ADAMTS13: variants seen among roughly 807,000 people sequenced by gnomAD.
ADAMTS13 encodes ADAM metallopeptidase with thrombospondin type 1 motif 13, also known as A disintegrin and metalloproteinase with thrombospondin motifs 13.
A neutral mutation model predicts 155.1 loss-of-function variants in ADAMTS13; 110 were observed. That is an observed-to-expected ratio of 0.71 (90% CI 0.61 to 0.83). The LOEUF (loss-of-function observed/expected upper bound fraction) is 0.83. ADAMTS13 is among the 40% of genes least tolerant of loss of function. The probability of loss-of-function intolerance (pLI) is 0.00; values close to 1 mark genes in which losing one functional copy is unlikely to be tolerated. For missense variants in ADAMTS13, 1,707 were observed against 1,891.7 expected, an observed-to-expected ratio of 0.90 and a Z score of 1.81; for synonymous variants, 758 against 756.4, an observed-to-expected ratio of 1.00 and a Z score of -0.03.
At position 133,443,245 on chromosome 9, in the gene ADAMTS13, G is replaced by A. The variant is rs1588184055; in HGVS notation, c.2235-131G>A. On this transcript the variant is annotated intron_variant, in intron 18 of 28. Coordinates refer to ENST00000355699, the MANE Select transcript of ADAMTS13 (RefSeq NM_139027.6). The stretch of plus-strand genomic sequence containing the variant: ...GCCGTCTGGCAGCCTGGGAACACCT[G>A]GAGAGGCTAGGCTGGCCGTAGTGCC... 2.6e-6 allele frequency: 3 copies of A among 1,174,152 alleles called. No individual in the cohort carries two copies. The South Asian group carries it at 4.0e-5, about 16-fold the overall frequency. The allele number at this position is 1,174,152 out of a possible 1,614,324, so 72.7% of individuals were successfully genotyped here.
chr9:133,449,683 C>T, intron 22 of ADAMTS13, 100 bp from the exon 23 acceptor site: 2 of 1,411,692 alleles, frequency 1.4e-6, no homozygotes, highest in Non-Finnish European at 2.0e-6. Flanking sequence ...TTCCCAGCTT[C>T]CTGTCTCTTC....
Position 133,424,769 on chromosome 9 carries a change from C to T in ADAMTS13, c.330+291C>T, listed in dbSNP as rs1840171277. Among the ~76,000 whole-genome samples the T allele has an allele frequency of 6.6e-6, 1 of 152,196 alleles. No individual in the cohort carries two copies. Among genetic ancestry groups the T allele is most frequent in the Admixed American group, 6.5e-5 (1 of 15,280 alleles). The stretch of plus-strand genomic sequence containing the variant: ...CAGTATCCATTTGACCCCCACAAAG[C>T]TCAGCTAAAGCAACCCTGGCAAATG... On this transcript the variant is annotated intron_variant, in intron 3 of 28. Transcript: ENST00000355699. The surrounding 1 kb of genome is among the most constrained non-coding windows in gnomAD (Gnocchi z 4.3).
Position 133,440,339 on chromosome 9 carries a change from G to C in ADAMTS13, c.1787-5G>C, listed in dbSNP as rs782093820. On this transcript the variant is annotated splice_region_variant and splice_polypyrimidine_tract_variant and intron_variant, in intron 15 of 28. Transcript: ENST00000355699. This position sits in a 1 kb window ranked among gnomAD's most constrained non-coding sequence, Gnocchi z 4.3. ...ACACAGCTAACAGGGCTGGTTCCCC[G>C]ACAGCGGTGAGGATCGGAGGGCGCT... The C allele has an allele frequency of 6.2e-7, 1 of 1,613,830 alleles. No homozygotes were observed. The highest frequency in any genetic ancestry group is 1.1e-5 in the South Asian group (1 of 91,078).
chr9:133,448,347 GCCAGGCACTTGTTATCTT>G (rs1347614658), intron 21 of ADAMTS13, among the ~76,000 whole-genome samples: 3 of 152,196 alleles, frequency 2.0e-5, no homozygotes, highest in Non-Finnish European at 4.4e-5. Context: ...TCTACTGTGT[GCCAGGCACTTGTTATCTT>G]CCCTTTTAAA....
upstream of ADAMTS13, among the ~76,000 whole-genome samples, chr9:133,421,065 A>G (rs1403616283): frequency 2.6e-5 from 4 of 152,214 alleles, no homozygotes; most frequent in South Asian, 8.3e-4. Flanking sequence ...CAGGAGTTTG[A>G]GACCAGCTTG....
upstream of ADAMTS13, chr9:133,421,964 A>G: frequency 5.8e-6 from 1 of 173,584 alleles, no homozygotes; most frequent in South Asian, 1.5e-4. Context: ...TCTCCTCATC[A>G]GGCGCAGGCA....
In ADAMTS13 at chr9:133,425,556, C is replaced by T; in HGVS notation, c.358C>T (p.Leu120=). ...IGAELLRDPS[L]GAQFRVHLVK... ...GGCAGAACTGCTTCGGGACCCGTCC[C>T]TGGGGGCTCAGTTTCGGGTGCACCT... The change falls in exon 4 of 29, where the codon CTG becomes TTG. Residue 120 remains leucine, a synonymous_variant. Transcript: ENST00000355699. The surrounding 1 kb of genome is among the most constrained non-coding windows in gnomAD (Gnocchi z 4.6). 6.2e-7 allele frequency: 1 copy of T among 1,613,606 alleles called. No individual in the cohort carries two copies. The highest frequency in any genetic ancestry group is 8.5e-7 in the Non-Finnish European group (1 of 1,179,980).
At chr9:133,450,114 A>G in intron 23 of ADAMTS13, 149 bp downstream of exon 23, 1 of 899,846 alleles carries the variant, frequency 1.1e-6, no homozygotes, top group Non-Finnish European at 1.7e-6. Context: ...CCTGGGCAAC[A>G]CAGTGAGACC....
chr9:133,425,372 C>A lies in ADAMTS13; in HGVS notation c.331-157C>A, dbSNP rs1840210904. 6.6e-6 allele frequency among the ~76,000 whole-genome samples: 1 copy of A among 152,214 alleles called. No homozygotes were observed. The highest frequency in any genetic ancestry group is 1.5e-5 in the Non-Finnish European group (1 of 68,040). On this transcript the variant is annotated intron_variant, in intron 3 of 28. Coordinates refer to ENST00000355699, the MANE Select transcript of ADAMTS13 (RefSeq NM_139027.6). This position sits in a 1 kb window ranked among gnomAD's most constrained non-coding sequence, Gnocchi z 4.6. ...AACAGAGGCACGGCTGACTGTGCAG[C>A]ACATTTTAGGAGCCCCCCGCCCCGC...
In ADAMTS13 at chr9:133,436,853, T is replaced by C. The variant is rs781813768; in HGVS notation, c.1333T>C (p.Phe445Leu). 1 of 1,530,136 alleles carries C rather than the reference T, an allele frequency of 6.5e-7. No individual in the cohort carries two copies. Among genetic ancestry groups the C allele is most frequent in the South Asian group, 1.2e-5 (1 of 86,656 alleles). 94.8% of individuals were successfully genotyped at this position (1,530,136 alleles called of 1,614,324 possible). A position where few individuals can be genotyped will look rare whatever the true frequency, so the allele number is the denominator to read the frequency against. ...GGCCTGCGAGAAGACCCAGCTGGAG[T>C]TCATGTCGCAACAGTGCGCCAGGAC... ...TQACEKTQLE[F>L]MSQQCARTDG... The change falls in exon 12 of 29, where the codon TTC becomes CTC. Residue 445 changes from phenylalanine (F) to leucine (L), a missense_variant. Physicochemically the swap from Phe to Leu is conservative, Grantham distance 22. Transcript: ENST00000355699.
chr9:133,423,588 T>C (rs1165790085), intron 2 of ADAMTS13, among the ~76,000 whole-genome samples: 2 of 152,176 alleles, frequency 1.3e-5, no homozygotes, highest in Non-Finnish European at 2.9e-5. Flanking sequence ...CCTGTCCCCA[T>C]TGCCCACAGG....
rs387906343 is a variant in ADAMTS13 at position 133,459,038 on chromosome 9, C to CA, written c.3975dup (p.Glu1326ArgfsTer6). 83 of 1,613,066 alleles carry CA rather than the reference C, an allele frequency of 5.1e-5. No homozygotes were observed. The highest frequency in any genetic ancestry group is 6.6e-5 in the Non-Finnish European group (78 of 1,180,006). On this transcript the variant is annotated frameshift_variant, in exon 29 of 29. Coordinates refer to ENST00000355699, the MANE Select transcript of ADAMTS13 (RefSeq NM_139027.6). LOFTEE classifies it low-confidence loss of function (END_TRUNC). ...GGGCAGCAGGTGCTCTACTGGGAGT[C>CA]AGAGAGCAGCCAGGCTGAGATGGAG...
At position 133,436,820 on chromosome 9, in the gene ADAMTS13, C is replaced by T. The variant is rs370183204; in HGVS notation, c.1309-9C>T. 3 of 1,392,026 alleles carry T rather than the reference C, an allele frequency of 2.2e-6. No homozygotes were observed. Among genetic ancestry groups the T allele is most frequent in the Non-Finnish European group, 2.9e-6 (3 of 1,042,424 alleles). The allele number at this position is 1,392,026 out of a possible 1,614,324, so 86.2% of individuals were successfully genotyped here. On this transcript the variant is annotated splice_polypyrimidine_tract_variant and intron_variant, in intron 11 of 28. Coordinates refer to ENST00000355699, the MANE Select transcript of ADAMTS13 (RefSeq NM_139027.6). Reference sequence around the variant, plus strand: ...CCGCCATCCCCCTCCTCTGCCTCCTCCTGGCCAGGCCTGCGAGAAGACCCA... The same window carrying T: ...CCGCCATCCCCCTCCTCTGCCTCCTTCTGGCCAGGCCTGCGAGAAGACCCA...
rs1471720479 is a variant in ADAMTS13 at position 133,442,455 on chromosome 9, C to T, written c.2025C>T (p.Phe675=). The T allele has an allele frequency of 6.2e-7, 1 of 1,613,920 alleles. No homozygotes were observed. The highest frequency in any genetic ancestry group is 8.5e-7 in the Non-Finnish European group (1 of 1,180,042). The change falls in exon 17 of 29, where the codon TTC becomes TTT. Residue 675 remains phenylalanine (F), a synonymous_variant. Transcript: ENST00000355699. ...ACCTCACCCGCCCAGACATCACCTT[C>T]ACCTACTTCCAGCCTAAGCCACGGC... The part of the protein sequence containing the change: ...YGNLTRPDIT[F]TYFQPKPRQA...
rs587712720 is a variant in ADAMTS13, at chr9:133,424,380, G to T, written c.232G>T (p.Gly78Cys). ...QRQRQRRAAG[G>C]ILHLELLVAV... ...GCAGAGGCAGAGGCGGGCTGCAGGCGGCATCCTACACCTGGAGCTGCTGGT... is the reference window on the plus strand; with the variant it reads ...GCAGAGGCAGAGGCGGGCTGCAGGCTGCATCCTACACCTGGAGCTGCTGGT... Residue 78 changes from glycine (G) to cysteine (C), a missense_variant, in exon 3 of 29, where the codon GGC (glycine) becomes TGC (cysteine). By Grantham distance (159) the Gly-to-Cys change is radical (BLOSUM62 -3). Coordinates refer to ENST00000355699, the MANE Select transcript of ADAMTS13 (RefSeq NM_139027.6). This position sits in a 1 kb window ranked among gnomAD's most constrained non-coding sequence, Gnocchi z 4.3. 1.2e-6 allele frequency: 2 copies of T among 1,613,494 alleles called. No individual in the cohort carries two copies. The highest frequency in any genetic ancestry group is 2.2e-5 in the South Asian group (2 of 91,062).
chr9:133,428,567 G>T (rs977203754), intron 6 of ADAMTS13, 67 bp from the exon 7 acceptor site: 11 of 98,212 alleles, frequency 1.1e-4, no homozygotes, highest in Non-Finnish European at 2.0e-4. Flanking sequence ...GCCGACCCCC[G>T]TCCCGCCCCC....
At chr9:133,428,578 ACCCCCG>A (rs1266448156) in intron 6 of ADAMTS13, 50 bp from the exon 7 acceptor site, 8 of 28,728 alleles carry the variant, frequency 2.8e-4, no homozygotes, top group Middle Eastern at 0.015. Context: ...TCCCGCCCCC[ACCCCCG>A]CCCCCGCCCC....
At chr9:133,458,192 C>A in intron 28 of ADAMTS13, 98 bp downstream of exon 28, 1 of 1,383,392 alleles carries the variant, frequency 7.2e-7, no homozygotes, top group Non-Finnish European at 9.9e-7. Flanking sequence ...CAGACTAAAA[C>A]CCTCAAAATC....
chr9:133,448,141 C>T (rs1842194976), intron 21 of ADAMTS13, among the ~76,000 whole-genome samples: 1 of 152,026 alleles, frequency 6.6e-6, no homozygotes, highest in African/African-American at 2.4e-5. Context: ...AGGTGCGCAC[C>T]ACCACGCTCA....
Sources: gnomAD v4.1 joint callset for allele counts (sites outside exome capture counted in the v4.1 genomes callset) on GRCh38, gnomAD v4.1.1 for gene constraint, Gnocchi (gnomAD v3.1) non-coding constraint, MANE v1.5 for transcripts, NCBI Gene and HGNC (gene_info 2026-07-23, HGNC 2026-07-21) for gene names.